CCDC192: variants seen among roughly 807,000 people sequenced by gnomAD.
CCDC192 encodes the protein coiled-coil domain containing 192, also known as coiled-coil domain-containing protein 192.
At chr5:127,879,323 A>G (rs1752251450) in intron 6 of CCDC192, among the ~76,000 whole-genome samples, 1 of 147,698 alleles carries the variant, frequency 6.8e-6, no homozygotes, top group Non-Finnish European at 1.5e-5. Flanking sequence ...CCTGAGAAAA[A>G]CAAGCAATGG....
intron 3 of CCDC192, among the ~76,000 whole-genome samples, chr5:127,780,311 C>T (rs1756133509): frequency 6.6e-6 from 1 of 152,176 alleles, no homozygotes; most frequent in African/African-American, 2.4e-5. Context: ...GACTTATTTT[C>T]CTCTGGGTAA....
intron 5 of CCDC192, among the ~76,000 whole-genome samples, chr5:127,840,950 G>A (rs1467754792): frequency 6.6e-6 from 1 of 152,218 alleles, no homozygotes; most frequent in Non-Finnish European, 1.5e-5. Flanking sequence ...TGTTGACCAA[G>A]TGGGAGAAAT....
intron 3 of CCDC192, among the ~76,000 whole-genome samples, chr5:127,765,088 C>T (rs745347793): frequency 1.3e-5 from 2 of 152,186 alleles, no homozygotes; most frequent in South Asian, 2.1e-4. Context: ...AAAATTTTGT[C>T]CAGCAGGTCC....
At position 127,750,000 on chromosome 5, in the gene CCDC192, CTCT is replaced by C. The variant is rs1217966475; in HGVS notation, c.115-4266_115-4264del. Among the ~76,000 whole-genome samples, 927 of 151,884 alleles carry C rather than the reference CTCT, an allele frequency of 6.1e-3. 9 individuals are homozygous for C. Among genetic ancestry groups the C allele is most frequent in the African/African-American group, 0.022 (891 of 41,436 alleles). ...TTTATTGTGTCTATTTGATTCTTCT[CTCT>C]TTTTTTCTTTATTAGTCTTGCTAGC... On this transcript the variant is annotated intron_variant, in intron 2 of 6. Coordinates refer to ENST00000514853, the MANE Select transcript of CCDC192 (RefSeq NM_001317938.2).
chr5:127,785,963 G>C, intron 3 of CCDC192: 1 of 533,514 alleles, frequency 1.9e-6, no homozygotes, highest in Non-Finnish European at 3.5e-6. Flanking sequence ...TACATTTTGG[G>C]GTCATTTAAA....
intron 5 of CCDC192, among the ~76,000 whole-genome samples, chr5:127,849,370 A>T (rs1410205534): frequency 6.6e-6 from 1 of 152,038 alleles, no homozygotes; most frequent in Non-Finnish European, 1.5e-5. Context: ...GCCACAGGGG[A>T]TAGAGGCTGA....
chr5:127,922,417 G>A lies in CCDC192; in HGVS notation c.536-18765G>A, dbSNP rs1025104001. Among the ~76,000 whole-genome samples the A allele has an allele frequency of 3.3e-5, 5 of 151,926 alleles. No homozygotes were observed. The East Asian group carries it at 5.8e-4, about 18-fold the overall frequency. On this transcript the variant is annotated intron_variant, in intron 6 of 6. Coordinates refer to ENST00000514853, the MANE Select transcript of CCDC192 (RefSeq NM_001317938.2). Reference sequence around the variant, plus strand: ...TTTCCTTTCATTTCTGTTATAAATCGCAATGCTTAAGTACATTGCAATGTT... The same window carrying A: ...TTTCCTTTCATTTCTGTTATAAATCACAATGCTTAAGTACATTGCAATGTT...
chr5:127,881,312 T>G (rs144978689), intron 6 of CCDC192, among the ~76,000 whole-genome samples: 110 of 152,384 alleles, frequency 7.2e-4, no homozygotes, highest in African/African-American at 2.6e-3. Flanking sequence ...ATTTGTTACC[T>G]AGATTAATAT....
intron 5 of CCDC192, among the ~76,000 whole-genome samples, chr5:127,837,569 T>A (rs1750079378): frequency 1.3e-5 from 2 of 151,192 alleles, no homozygotes; most frequent in Non-Finnish European, 1.5e-5. Context: ...ACAAAAAGCC[T>A]AACCATATCA....
At chr5:127,869,578 G>A (rs1256025748) in intron 5 of CCDC192, among the ~76,000 whole-genome samples, 1 of 152,126 alleles carries the variant, frequency 6.6e-6, no homozygotes, top group African/African-American at 2.4e-5. Flanking sequence ...CCTTTATCTT[G>A]TATTAATTTG....
rs537195318 is a variant in CCDC192 at position 127,816,062 on chromosome 5, G to C, written c.411+17900G>C. 9.9e-5 allele frequency among the ~76,000 whole-genome samples: 15 copies of C among 152,266 alleles called. No individual in the cohort carries two copies. In the East Asian group the frequency reaches 2.9e-3, roughly 29 times the overall value. ...AAGCTATTAGACAATGTACTTTAAA[G>C]AAGTTGAGATACATTAATATGTGTT... On this transcript the variant is annotated intron_variant, in intron 5 of 6. Transcript: ENST00000514853.
At chr5:127,804,763 T>C (rs1432641) in intron 5 of CCDC192, among the ~76,000 whole-genome samples, 1 of 152,032 alleles carries the variant, frequency 6.6e-6, no homozygotes, top group Admixed American at 6.5e-5. Context: ...TGCTAAAGTC[T>C]GAAATTCTGG....
At chr5:127,757,618 T>G (rs1177436890) in intron 3 of CCDC192, among the ~76,000 whole-genome samples, 1 of 151,970 alleles carries the variant, frequency 6.6e-6, no homozygotes, top group East Asian at 2.0e-4. Context: ...GAAACTGATA[T>G]TTCCTAAGAA....
chr5:127,777,434 CAGGCTCA>C (rs1345000346), intron 3 of CCDC192, among the ~76,000 whole-genome samples: 2 of 152,198 alleles, frequency 1.3e-5, no homozygotes, highest in Non-Finnish European at 2.9e-5. Context: ...TTTGATTTTA[CAGGCTCA>C]TAGGCAAGAG....
intron 5 of CCDC192, among the ~76,000 whole-genome samples, chr5:127,859,375 C>T (rs1034363533): frequency 1.3e-5 from 2 of 152,196 alleles, no homozygotes; most frequent in African/African-American, 2.4e-5. Flanking sequence ...ATTAGTTCCC[C>T]TTCTGATTCT....
In CCDC192 at chr5:127,880,508, C is replaced by T. The variant is rs1289232785; in HGVS notation, c.535+4847C>T. ...GGGAGATATACCTAATGCTAGATGA[C>T]GAGTTAGTGGGTGCAGCGCACCAGC... On this transcript the variant is annotated intron_variant, in intron 6 of 6. Coordinates refer to ENST00000514853, the MANE Select transcript of CCDC192 (RefSeq NM_001317938.2). Among the ~76,000 whole-genome samples, 148 of 148,906 alleles carry T rather than the reference C, an allele frequency of 9.9e-4. 1 individual carries two copies. Among genetic ancestry groups the T allele is most frequent in the African/African-American group, 2.6e-3 (106 of 40,546 alleles).
chr5:127,836,555 G>T (rs1017270312), intron 5 of CCDC192, among the ~76,000 whole-genome samples: 1 of 152,180 alleles, frequency 6.6e-6, no homozygotes, highest in Non-Finnish European at 1.5e-5. Flanking sequence ...ACAGACTTCT[G>T]CCTGGACATC....
At chr5:127,769,881 C>T (rs1755448183) in intron 3 of CCDC192, among the ~76,000 whole-genome samples, 2 of 151,956 alleles carry the variant, frequency 1.3e-5, no homozygotes, top group Non-Finnish European at 2.9e-5. Flanking sequence ...TGCTGGCAGC[C>T]CTCTTCCCAG....
At chr5:127,795,410 G>A (rs1385364642) in intron 3 of CCDC192, among the ~76,000 whole-genome samples, 2 of 151,700 alleles carry the variant, frequency 1.3e-5, no homozygotes, top group African/African-American at 4.8e-5. Flanking sequence ...TGTTTGATAT[G>A]TTCCAGGCAT....
Sources: gnomAD v4.1 joint callset for allele counts (sites outside exome capture counted in the v4.1 genomes callset) on GRCh38, gnomAD v4.1.1 for gene constraint, MANE v1.5 for transcripts, NCBI Gene and HGNC (gene_info 2026-07-23, HGNC 2026-07-21) for gene names.